Variants in DHX8 observed in about 807,000 individuals in gnomAD.
DHX8 encodes the protein ATP-dependent RNA helicase DHX8.
Under a neutral mutation model 140.7 loss-of-function variants are expected in DHX8, and 67 were observed. The observed-to-expected ratio is 0.48, with a 90% CI of 0.39 to 0.58. DHX8 has a LOEUF of 0.58. Among genes scored for constraint, DHX8 ranks in the 20% least tolerant of loss-of-function variants. The pLI, the probability that DHX8 is intolerant of heterozygous loss-of-function variation, is 0.00. For synonymous variants in DHX8, 533 were observed against 553.2 expected (o/e 0.96, Z 0.51); for missense variants, 887 against 1,550.7 (o/e 0.57, Z 7.19).
downstream of DHX8, chr17:43,528,266 A>G: frequency 2.4e-6 from 1 of 420,080 alleles, no homozygotes; most frequent in East Asian, 3.6e-5. Flanking sequence ...GAAGAAGCTG[A>G]GCTGAATTCC....
downstream of DHX8, chr17:43,526,491 T>C: frequency 6.5e-7 from 1 of 1,535,650 alleles, no homozygotes; most frequent in South Asian, 1.2e-5. Flanking sequence ...CTGTCTCTCC[T>C]GCAGCCCAAA....
chr17:43,522,906 A>C (rs1191223160), intron 22 of DHX8, among the ~76,000 whole-genome samples: 1 of 151,520 alleles, frequency 6.6e-6, no homozygotes, highest in Non-Finnish European at 1.5e-5. Flanking sequence ...TCTACTAAAA[A>C]TACAAAGTTA....
intron 16 of DHX8, among the ~76,000 whole-genome samples, chr17:43,509,483 T>C (rs1969686766): frequency 1.3e-5 from 2 of 150,868 alleles, no homozygotes; most frequent in South Asian, 2.1e-4. Flanking sequence ...ACCTCCCACT[T>C]ATTTTTTTTT....
chr17:43,529,547 C>G, downstream of DHX8: 1 of 1,614,016 alleles, frequency 6.2e-7, no homozygotes, highest in Non-Finnish European at 8.5e-7. Context: ...CCGGCCCGTC[C>G]AGGCAATGAA....
At chr17:43,509,019 T>C (rs528047648) in intron 16 of DHX8, among the ~76,000 whole-genome samples, 1 of 152,348 alleles carries the variant, frequency 6.6e-6, no homozygotes, top group South Asian at 2.1e-4. Flanking sequence ...ACCTCTCCTC[T>C]TCTTCCTCTT....
intron 5 of DHX8, 140 bp downstream of exon 5, chr17:43,492,432 C>A: frequency 1.5e-6 from 1 of 678,908 alleles, no homozygotes; most frequent in Non-Finnish European, 2.6e-6. Context: ...GTTTTCATTG[C>A]TTCCTGCTAA....
At chr17:43,501,276 G>A (rs1052895357) in intron 11 of DHX8, among the ~76,000 whole-genome samples, 1 of 152,116 alleles carries the variant, frequency 6.6e-6, no homozygotes, top group African/African-American at 2.4e-5. Flanking sequence ...AGGTTGGGGA[G>A]TATGTTCCAG....
downstream of DHX8, chr17:43,529,452 C>T (rs1970770516): frequency 3.8e-6 from 6 of 1,568,632 alleles, no homozygotes; most frequent in African/African-American, 1.4e-5. Context: ...GTTCTCCCAC[C>T]TCCAGGCTGT....
chr17:43,523,188 T>G (rs1002388665), intron 22 of DHX8, among the ~76,000 whole-genome samples: 1 of 152,172 alleles, frequency 6.6e-6, no homozygotes, highest in Admixed American at 6.5e-5. Flanking sequence ...TAAAACTGAT[T>G]TAAAACCACC....
At chr17:43,504,236 T>TC (rs1264925454) in intron 11 of DHX8, among the ~76,000 whole-genome samples, 1 of 151,964 alleles carries the variant, frequency 6.6e-6, no homozygotes, top group Non-Finnish European at 1.5e-5. Context: ...GCCCAGGAGT[T>TC]CGAGACCAGC....
chr17:43,487,958 C>T (rs1166715927), intron 1 of DHX8, among the ~76,000 whole-genome samples: 1 of 151,702 alleles, frequency 6.6e-6, no homozygotes, highest in African/African-American at 2.4e-5. Context: ...GCCTGAGAGA[C>T]AGAGTGAGAC....
In DHX8 at chr17:43,492,676, G is replaced by C; in HGVS notation, c.504-5G>C. ...TTTTTAAACAGGTGCTTATTGATTTGTTAGGGACAGGACAAAGAAGAAGAA... is the reference window on the plus strand; with the variant it reads ...TTTTTAAACAGGTGCTTATTGATTTCTTAGGGACAGGACAAAGAAGAAGAA... On this transcript the variant is annotated splice_region_variant and splice_polypyrimidine_tract_variant and intron_variant, in intron 5 of 22. Coordinates refer to ENST00000262415, the MANE Select transcript of DHX8 (RefSeq NM_004941.3). The C allele has an allele frequency of 6.6e-7, 1 of 1,507,798 alleles. No individual in the cohort carries two copies. The highest frequency in any genetic ancestry group is 9.2e-7 in the Non-Finnish European group (1 of 1,083,394). 93.4% of individuals were successfully genotyped at this position (1,507,798 alleles called of 1,614,324 possible).
chr17:43,519,182 T>C (rs1970254460), intron 18 of DHX8: 1 of 152,236 alleles, frequency 6.6e-6, no homozygotes, highest in Admixed American at 6.5e-5. Flanking sequence ...CCACCAAACT[T>C]TTCTACAGTG....
chr17:43,526,042 C>T, downstream of DHX8: 1 of 985,426 alleles, frequency 1.0e-6, no homozygotes. Context: ...GCTGAGGTCA[C>T]TTCTCTGCTA....
At position 43,524,773 on chromosome 17, in the gene DHX8, G is replaced by A. The variant is rs1001779298; in HGVS notation, c.*926G>A. ...GAGGTCCTGGATGGACTTTAACAAA[G>A]GGATTTTATGGTCAAAACCTCCCTT... is the stretch of plus-strand genomic sequence containing the variant. On this transcript the variant is annotated 3_prime_UTR_variant, in exon 23 of 23. Coordinates refer to ENST00000262415, the MANE Select transcript of DHX8 (RefSeq NM_004941.3). The A allele has an allele frequency of 8.1e-6, 8 of 985,300 alleles. No individual in the cohort carries two copies. The highest frequency in any genetic ancestry group is 8.4e-6 in the Non-Finnish European group (7 of 829,914). The allele number at this position is 985,300 out of a possible 1,614,324, so 61.0% of individuals were successfully genotyped here.
chr17:43,496,511 C>T (rs368721649), intron 9 of DHX8, among the ~76,000 whole-genome samples: 3 of 152,290 alleles, frequency 2.0e-5, no homozygotes, highest in Admixed American at 6.5e-5. Flanking sequence ...GGCATGGTGG[C>T]TCACGCCTGT....
chr17:43,525,389 C>G lies in DHX8; in HGVS notation c.*1542C>G, dbSNP rs1245083394. ...AGCAAACCACACCCTAAAGACAATT[C>G]AGAAAGAGTCCGAGGGAGAGGAATA... On this transcript the variant is annotated 3_prime_UTR_variant, in exon 23 of 23. Coordinates refer to ENST00000262415, the MANE Select transcript of DHX8 (RefSeq NM_004941.3). 1 of 981,150 alleles carries G rather than the reference C, an allele frequency of 1.0e-6. No individual in the cohort carries two copies. The highest frequency in any genetic ancestry group is 1.2e-6 in the Non-Finnish European group (1 of 826,188). 60.8% of individuals were successfully genotyped at this position (981,150 alleles called of 1,614,324 possible). A position where few individuals can be genotyped will look rare whatever the true frequency, so the allele number is the denominator to read the frequency against.
intron 18 of DHX8, chr17:43,518,541 T>C (rs1233510219): frequency 5.3e-5 from 8 of 152,152 alleles, no homozygotes; most frequent in African/African-American, 1.9e-4. Context: ...GTAGAAATGA[T>C]GTATGCAAGA....
rs1346842732 is a variant in DHX8, at chr17:43,500,102, T to C, written c.1545T>C (p.Asp515=). The change falls in exon 11 of 23, where the codon GAT becomes GAC. Residue 515 remains aspartate, a splice_region_variant and synonymous_variant. Transcript: ENST00000262415. ...AACACTGGGTTGACCCTCTGCCTGA[T>C]GGTAGGACCCTTGGAGGGGTGTATG... ...LNKHWVDPLP[D]AEGRQIAANM... The C allele has an allele frequency of 4.3e-6, 7 of 1,613,856 alleles. No homozygotes were observed. Among genetic ancestry groups the C allele is most frequent in the Non-Finnish European group, 5.9e-6 (7 of 1,179,860 alleles).
Sources: gnomAD v4.1 joint callset for allele counts (sites outside exome capture counted in the v4.1 genomes callset) on GRCh38, gnomAD v4.1.1 for gene constraint, MANE v1.5 for transcripts, NCBI Gene and HGNC (gene_info 2026-07-23, HGNC 2026-07-21) for gene names.